Variants in TAS2R1 observed in about 807,000 individuals in gnomAD.
TAS2R1 encodes the protein taste receptor type 2 member 1.
For synonymous variants in TAS2R1, 141 were observed against 134.2 expected (o/e 1.05, Z -0.35); for missense variants, 370 against 353.4 (o/e 1.05, Z -0.38).
At chr5:9,694,625 G>T (rs771166452) in intron 1 of TAS2R1, among the ~76,000 whole-genome samples, 5 of 152,078 alleles carry the variant, frequency 3.3e-5, no homozygotes, top group African/African-American at 4.8e-5. Context: ...GTTCTTAATT[G>T]TAGATCTTTC....
At chr5:9,728,125 T>G in the TAS2R1 span, among the ~76,000 whole-genome samples, 1 of 152,004 alleles carries the variant, frequency 6.6e-6, no homozygotes, top group Non-Finnish European at 1.5e-5. Context: ...CCTAGAAAGG[T>G]TGGCAAAACC....
the TAS2R1 span, among the ~76,000 whole-genome samples, chr5:9,736,093 C>T: frequency 6.6e-6 from 1 of 152,194 alleles, no homozygotes; most frequent in Non-Finnish European, 1.5e-5. Flanking sequence ...TAGGGTTTCA[C>T]TTAACGCACA....
chr5:9,768,690 T>C, the TAS2R1 span, among the ~76,000 whole-genome samples: 1 of 152,228 alleles, frequency 6.6e-6, no homozygotes, highest in Non-Finnish European at 1.5e-5. Context: ...TCATAATTGC[T>C]TGGCAAATCA....
chr5:9,712,677 G>A (rs1734711657), upstream of TAS2R1, among the ~76,000 whole-genome samples: 1 of 152,172 alleles, frequency 6.6e-6, no homozygotes, highest in African/African-American at 2.4e-5. Context: ...ATTTTGTTCA[G>A]CACGCACATC....
At chr5:9,743,685 T>C in the TAS2R1 span, among the ~76,000 whole-genome samples, 1 of 152,162 alleles carries the variant, frequency 6.6e-6, no homozygotes, top group Non-Finnish European at 1.5e-5. Context: ...ACCTAAGCAA[T>C]GTCACGAATT....
chr5:9,644,826 G>A (rs748154949), intron 2 of TAS2R1, among the ~76,000 whole-genome samples: 11 of 152,118 alleles, frequency 7.2e-5, no homozygotes, highest in Non-Finnish European at 1.6e-4. Flanking sequence ...CGAGAGCAGA[G>A]TAGGTGAGTC....
the TAS2R1 span, among the ~76,000 whole-genome samples, chr5:9,752,784 T>G: frequency 6.7e-6 from 1 of 149,994 alleles, no homozygotes; most frequent in Non-Finnish European, 1.5e-5. Context: ...CACCTATGAG[T>G]GAGAACATGC....
At chr5:9,832,386 A>T in the TAS2R1 span, among the ~76,000 whole-genome samples, 2 of 152,348 alleles carry the variant, frequency 1.3e-5, no homozygotes, top group South Asian at 4.1e-4. Flanking sequence ...GGCTGAACAT[A>T]GGTGTGCATT....
the TAS2R1 span, among the ~76,000 whole-genome samples, chr5:9,718,773 C>A: frequency 4.3e-4 from 66 of 152,110 alleles, 1 homozygote; most frequent in Non-Finnish European, 6.9e-4. Context: ...ATCTTCTATG[C>A]AGTGGGATGG....
the TAS2R1 span, among the ~76,000 whole-genome samples, chr5:9,792,840 C>T: frequency 6.6e-6 from 1 of 152,146 alleles, no homozygotes; most frequent in Admixed American, 6.5e-5. Context: ...TCTTCCTCCA[C>T]TCAGTTCTGC....
the TAS2R1 span, among the ~76,000 whole-genome samples, chr5:9,746,733 AG>A: frequency 6.6e-6 from 1 of 152,208 alleles, no homozygotes; most frequent in Non-Finnish European, 1.5e-5. Context: ...ACATGGACAC[AG>A]GGAGGGGAAC....
intron 1 of TAS2R1, among the ~76,000 whole-genome samples, chr5:9,708,039 A>G (rs1741655346): frequency 6.6e-6 from 1 of 152,190 alleles, no homozygotes; most frequent in Admixed American, 6.5e-5. Context: ...GGACTCAACT[A>G]TGAATATTCT....
chr5:9,886,054 C>T, the TAS2R1 span, among the ~76,000 whole-genome samples: 5 of 146,196 alleles, frequency 3.4e-5, no homozygotes, highest in South Asian at 2.1e-4. Flanking sequence ...TTTTTGGAGA[C>T]GGAGTCTTGC....
At chr5:9,669,016 C>A (rs1327427715) in intron 1 of TAS2R1, among the ~76,000 whole-genome samples, 1 of 152,050 alleles carries the variant, frequency 6.6e-6, no homozygotes, top group Non-Finnish European at 1.5e-5. Flanking sequence ...CTATAAGAGA[C>A]CTGTCTAACA....
At chr5:9,654,887 G>A (rs1740378461) in intron 2 of TAS2R1, among the ~76,000 whole-genome samples, 1 of 152,160 alleles carries the variant, frequency 6.6e-6, no homozygotes, top group Non-Finnish European at 1.5e-5. Flanking sequence ...CTGTGGTCCA[G>A]CAATTCTACT....
chr5:9,901,964 T>C, the TAS2R1 span, among the ~76,000 whole-genome samples: 1 of 152,086 alleles, frequency 6.6e-6, no homozygotes, highest in Admixed American at 6.6e-5. Context: ...ACTGAAAGGA[T>C]CTCAGAGTAG....
the TAS2R1 span, among the ~76,000 whole-genome samples, chr5:9,736,438 C>T: frequency 6.6e-6 from 1 of 152,208 alleles, no homozygotes; most frequent in Non-Finnish European, 1.5e-5. Context: ...ATTAATGCTG[C>T]TTAGGCTGAG....
At chr5:9,781,256 G>T in the TAS2R1 span, among the ~76,000 whole-genome samples, 1 of 152,172 alleles carries the variant, frequency 6.6e-6, no homozygotes, top group Non-Finnish European at 1.5e-5. Flanking sequence ...GTGGCAACTT[G>T]ATCCTTCCTG....
intron 1 of TAS2R1, among the ~76,000 whole-genome samples, chr5:9,699,072 A>T (rs1741421923): frequency 6.6e-6 from 1 of 152,220 alleles, no homozygotes; most frequent in African/African-American, 2.4e-5. Context: ...TAACTGTAGG[A>T]ATTTCAAAAT....
Sources: allele counts gnomAD v4.1 joint callset (sites outside exome capture counted in the v4.1 genomes callset), GRCh38; gene constraint gnomAD v4.1.1; transcripts MANE v1.5; gene names NCBI Gene and HGNC (gene_info 2026-07-23, HGNC 2026-07-21).